Variants in GFOD1 observed in about 807,000 individuals in gnomAD.
GFOD1 encodes the protein Gfo/Idh/MocA-like oxidoreductase domain containing 1.
Under a neutral mutation model 25.4 loss-of-function variants are expected in GFOD1, and 9 were observed. That is an observed-to-expected ratio of 0.35 (90% confidence interval 0.21 to 0.62). The LOEUF is 0.62. Ranked by LOEUF, GFOD1 falls within the 20% of genes least tolerant of loss-of-function variation. GFOD1 has a pLI of 0.72. For synonymous variants in GFOD1, 253 were observed against 245.6 expected, an observed-to-expected ratio of 1.03 and a Z score of -0.28; for missense variants, 403 against 556.9, an observed-to-expected ratio of 0.72 and a Z score of 2.78.
chr6:13,423,489 C>G (rs532684541), intron 1 of GFOD1, among the ~76,000 whole-genome samples: 10 of 152,162 alleles, frequency 6.6e-5, no homozygotes, highest in African/African-American at 2.4e-4. Flanking sequence ...CACACAGACA[C>G]GCCTGAAATA....
intron 1 of GFOD1, among the ~76,000 whole-genome samples, chr6:13,432,302 C>T (rs1307259874): frequency 1.3e-5 from 2 of 151,668 alleles, no homozygotes; most frequent in Non-Finnish European, 2.9e-5. Flanking sequence ...CAGCCTCGAC[C>T]TCTTGGGCTC....
chr6:13,390,720 TG>T (rs113779913), intron 1 of GFOD1, among the ~76,000 whole-genome samples: 17,342 of 97,722 alleles, frequency 0.18, 1,401 homozygotes, highest in South Asian at 0.29. Context: ...TGAGACCCTG[TG>T]AAAAAAAAAA....
In GFOD1 at chr6:13,364,998, G is replaced by A; in HGVS notation, c.918C>T (p.Thr306=). ...SDIPSPYLRG[T]IKMMQAVRQA... ...GGCGCACCGCCTGCATCATCTTGAT[G>A]GTGCCGCGCAGGTAGGGCGAGGGGA... Residue 306 remains threonine (T), a synonymous_variant, in exon 2 of 2, where the codon ACC becomes ACT. Coordinates refer to ENST00000379287, the MANE Select transcript of GFOD1 (RefSeq NM_018988.4). This position sits in a 1 kb window ranked among gnomAD's most constrained non-coding sequence, Gnocchi z 4.1. 6.2e-7 allele frequency: 1 copy of A among 1,610,376 alleles called. No homozygotes were observed. Among genetic ancestry groups the A allele is most frequent in the East Asian group, 2.2e-5 (1 of 44,862 alleles).
chr6:13,459,660 A>G (rs1758257441), intron 1 of GFOD1, among the ~76,000 whole-genome samples: 1 of 152,246 alleles, frequency 6.6e-6, no homozygotes, highest in Non-Finnish European at 1.5e-5. Context: ...TTTATAAGAA[A>G]AAAACAACCC....
At chr6:13,443,645 G>A (rs542573108) in intron 1 of GFOD1, among the ~76,000 whole-genome samples, 12 of 151,850 alleles carry the variant, frequency 7.9e-5, no homozygotes, top group South Asian at 2.1e-4. Context: ...GTGAAACCCC[G>A]TCTCAACTAA....
chr6:13,447,519 T>C (rs2127573141), intron 1 of GFOD1, among the ~76,000 whole-genome samples: 1 of 152,040 alleles, frequency 6.6e-6, no homozygotes, highest in Non-Finnish European at 1.5e-5. Context: ...GGCAGATCAC[T>C]TGAGGTTAGG....
At chr6:13,383,074 G>T (rs1031624021) in intron 1 of GFOD1, among the ~76,000 whole-genome samples, 1 of 152,160 alleles carries the variant, frequency 6.6e-6, no homozygotes, top group Non-Finnish European at 1.5e-5. Flanking sequence ...TATCACTGAT[G>T]GGTATTTGGG....
intron 1 of GFOD1, among the ~76,000 whole-genome samples, chr6:13,383,204 T>C (rs932208204): frequency 5.9e-5 from 9 of 152,204 alleles, no homozygotes; most frequent in East Asian, 1.9e-4. Flanking sequence ...AAGAACCTAC[T>C]GGAGAAAAGA....
intron 1 of GFOD1, among the ~76,000 whole-genome samples, chr6:13,425,904 AAG>A (rs1786343722): frequency 6.6e-6 from 1 of 152,030 alleles, no homozygotes; most frequent in African/African-American, 2.4e-5. Context: ...AAGAAAGAAA[AAG>A]AAACTCGCAG....
intron 1 of GFOD1, among the ~76,000 whole-genome samples, chr6:13,422,079 C>T (rs916217528): frequency 1.3e-5 from 2 of 152,018 alleles, no homozygotes; most frequent in African/African-American, 2.4e-5. Context: ...CCTTTTTCAC[C>T]TTCATTCACA....
intron 1 of GFOD1, among the ~76,000 whole-genome samples, chr6:13,403,136 G>GT (rs1427447289): frequency 9.2e-6 from 1 of 108,542 alleles, no homozygotes; most frequent in Non-Finnish European, 2.0e-5. Flanking sequence ...GGTATTTTTT[G>GT]TTTTTTTGAG....
At chr6:13,366,220 C>G (rs971769003) in intron 1 of GFOD1, among the ~76,000 whole-genome samples, 4 of 152,038 alleles carry the variant, frequency 2.6e-5, no homozygotes, top group African/African-American at 9.7e-5. Context: ...TCTCACTGTT[C>G]CCCAGGCTGC....
chr6:13,432,450 T>C (rs1201339921), intron 1 of GFOD1, among the ~76,000 whole-genome samples: 1 of 152,004 alleles, frequency 6.6e-6, no homozygotes, highest in Non-Finnish European at 1.5e-5. Flanking sequence ...TCATGCGATC[T>C]TCCCACCTTG....
intron 1 of GFOD1, among the ~76,000 whole-genome samples, chr6:13,456,993 G>T (rs1758200772): frequency 6.6e-6 from 1 of 152,218 alleles, no homozygotes; most frequent in Non-Finnish European, 1.5e-5. Flanking sequence ...AGAGCATTCA[G>T]GTGATTTCAG....
At chr6:13,392,921 G>A (rs1300979215) in intron 1 of GFOD1, among the ~76,000 whole-genome samples, 1 of 151,780 alleles carries the variant, frequency 6.6e-6, no homozygotes, top group Admixed American at 6.6e-5. Flanking sequence ...AATTAGCCAG[G>A]CATGGTGACA....
chr6:13,482,146 A>C (rs1382098419), intron 1 of GFOD1, among the ~76,000 whole-genome samples: 1 of 148,796 alleles, frequency 6.7e-6, no homozygotes, highest in East Asian at 1.9e-4. Flanking sequence ...TATATCTATA[A>C]ATATGTTAAT....
intron 1 of GFOD1, among the ~76,000 whole-genome samples, chr6:13,475,743 TAATAATAA>T (rs1562231059): frequency 4.8e-5 from 7 of 144,608 alleles, no homozygotes; most frequent in African/African-American, 1.8e-4. Flanking sequence ...ATAATAATAA[TAATAATAA>T]TAATAATAAT....
At chr6:13,471,333 C>T (rs1318306482) in intron 1 of GFOD1, among the ~76,000 whole-genome samples, 2 of 152,128 alleles carry the variant, frequency 1.3e-5, no homozygotes, top group Non-Finnish European at 2.9e-5. Context: ...GTCTTTCTTA[C>T]CTCCCCGAGA....
At chr6:13,463,994 C>T (rs1271910471) in intron 1 of GFOD1, among the ~76,000 whole-genome samples, 2 of 152,152 alleles carry the variant, frequency 1.3e-5, no homozygotes, top group African/African-American at 2.4e-5. Flanking sequence ...AAAAAACAAA[C>T]CATATATACG....
Sources: gnomAD v4.1 joint callset for allele counts (sites outside exome capture counted in the v4.1 genomes callset) on GRCh38, gnomAD v4.1.1 for gene constraint, Gnocchi (gnomAD v3.1) non-coding constraint, MANE v1.5 for transcripts, NCBI Gene and HGNC (gene_info 2026-07-23, HGNC 2026-07-21) for gene names.